RPS6KA2: variants seen among roughly 807,000 people sequenced by gnomAD.
RPS6KA2 encodes ribosomal protein S6 kinase alpha-2.
Under a neutral mutation model 91.8 loss-of-function variants are expected in RPS6KA2, and 42 were observed. The ratio of observed to expected loss-of-function variants is 0.46; its 90% CI spans 0.36 to 0.59. RPS6KA2 has a LOEUF of 0.59. Ranked by LOEUF, RPS6KA2 falls within the 20% of genes least tolerant of loss-of-function variation. The pLI is 0.00. For synonymous variants in RPS6KA2, 414 were observed against 393.6 expected (o/e 1.05, Z -0.61); for missense variants, 798 against 978.5 (o/e 0.82, Z 2.46).
At chr6:166,446,573 A>G (rs1779685907) in intron 14 of RPS6KA2, among the ~76,000 whole-genome samples, 1 of 152,212 alleles carries the variant, frequency 6.6e-6, no homozygotes, top group South Asian at 2.1e-4. Flanking sequence ...TTTGACCTCA[A>G]CAAGATCTTT....
chr6:166,601,394 G>A (rs1051938439), intron 1 of RPS6KA2, among the ~76,000 whole-genome samples: 3 of 152,316 alleles, frequency 2.0e-5, no homozygotes, highest in Admixed American at 6.5e-5. Context: ...AAAGAGTTGT[G>A]TCAATCGCAA....
intron 2 of RPS6KA2, among the ~76,000 whole-genome samples, chr6:166,824,110 T>A (rs1007229307): frequency 6.6e-6 from 1 of 152,190 alleles, no homozygotes; most frequent in African/African-American, 2.4e-5. Context: ...CACATGTGAA[T>A]ATACATGCTT....
rs550844181 is a variant in RPS6KA2, at chr6:166,486,728, G to A, written c.907+2105C>T. 8.8e-4 allele frequency among the ~76,000 whole-genome samples: 134 copies of A among 152,128 alleles called. 1 individual carries two copies. Among genetic ancestry groups the A allele is most frequent in the African/African-American group, 2.7e-3 (114 of 41,502 alleles). On this transcript the variant is annotated intron_variant, in intron 10 of 20. Coordinates refer to ENST00000265678, the MANE Select transcript of RPS6KA2 (RefSeq NM_021135.6). ...GTGTGGGTGGCACGGGCTCCGCTGC[G>A]GGGTGAGTCTACACTCTCCAGCCAT...
chr6:166,475,338 G>A (rs1021733193), intron 10 of RPS6KA2, among the ~76,000 whole-genome samples: 4 of 152,174 alleles, frequency 2.6e-5, no homozygotes, highest in Admixed American at 1.3e-4. Flanking sequence ...ACTCCCGAGC[G>A]TGGCCCGGCC....
intron 12 of RPS6KA2, among the ~76,000 whole-genome samples, chr6:166,455,753 T>C (rs1228863538): frequency 6.6e-6 from 1 of 152,214 alleles, no homozygotes; most frequent in Non-Finnish European, 1.5e-5. Context: ...GTTTGCTCTC[T>C]GCACAAAGTC....
Position 166,492,917 on chromosome 6 carries a change from A to T in RPS6KA2, c.748-2176T>A, listed in dbSNP as rs1781655553. ...TTTTTTTTTTTTTTTTTTTTAGTAG[A>T]GACAGGGTTTCACCATGTTGGCCAG... On this transcript the variant is annotated intron_variant, in intron 8 of 20. Transcript: ENST00000265678. Among the ~76,000 whole-genome samples the T allele has an allele frequency of 3.6e-5, 5 of 139,854 alleles. No homozygotes were observed. The South Asian group carries it at 1.1e-3, about 32-fold the overall frequency. 91.7% of individuals were successfully genotyped at this position (139,854 alleles called of 152,430 possible).
intron 3 of RPS6KA2, among the ~76,000 whole-genome samples, chr6:166,531,030 A>G (rs1348724653): frequency 1.3e-5 from 2 of 152,254 alleles, no homozygotes; most frequent in African/African-American, 4.8e-5. Flanking sequence ...CTCTTCTCTG[A>G]CAATTGTGGA....
intron 2 of RPS6KA2, among the ~76,000 whole-genome samples, chr6:166,699,610 CAGAG>C (rs1364456007): frequency 6.6e-6 from 1 of 152,134 alleles, no homozygotes; most frequent in African/African-American, 2.4e-5. Context: ...AAAATCAATT[CAGAG>C]AGCAGCATGG....
chr6:166,854,745 G>A (rs1018896355), intron 2 of RPS6KA2, among the ~76,000 whole-genome samples: 3 of 152,176 alleles, frequency 2.0e-5, no homozygotes, highest in African/African-American at 7.2e-5. Flanking sequence ...CACTGTTGGT[G>A]GGAATGTAAA....
In RPS6KA2 at chr6:166,627,166, G is replaced by A. The variant is rs1485568296; in HGVS notation, c.-147C>T. The A allele has an allele frequency of 1.8e-6, 2 of 1,094,298 alleles. No homozygotes were observed. The highest frequency in any genetic ancestry group is 3.3e-5 in the African/African-American group (2 of 59,736). The allele number at this position is 1,094,298 out of a possible 1,614,324, so 67.8% of individuals were successfully genotyped here. ...GGGCGCGGGGCGTGGGGCGCGAGCT[G>A]CGGTCACAAAGGGCAGGCCGCGCCG... is the stretch of plus-strand genomic sequence containing the variant. On this transcript the variant is annotated 5_prime_UTR_variant, in exon 1 of 21. Coordinates refer to ENST00000265678, the MANE Select transcript of RPS6KA2 (RefSeq NM_021135.6).
At chr6:166,775,971 G>C (rs1465772452) in intron 2 of RPS6KA2, among the ~76,000 whole-genome samples, 1 of 152,224 alleles carries the variant, frequency 6.6e-6, no homozygotes, top group Non-Finnish European at 1.5e-5. Context: ...CTGGAAGTGA[G>C]GGCGGGCATT....
In RPS6KA2 at chr6:166,821,475, G is replaced by A. The variant is rs181687348; in HGVS notation, c.123+36725C>T. ...CACTATGTCTTCTTCCAGAAATCCC[G>A]GCTTCTCCTGTAAACGCTGCAGTCA... On this transcript the variant is annotated intron_variant, in intron 2 of 21. Coordinates refer to the RPS6KA2 transcript ENST00000503859. The surrounding 1 kb of genome is among the most constrained non-coding windows in gnomAD (Gnocchi z 4.1). Among the ~76,000 whole-genome samples the A allele has an allele frequency of 2.6e-5, 4 of 152,098 alleles. No individual in the cohort carries two copies. The highest frequency in any genetic ancestry group is 4.8e-5 in the African/African-American group (2 of 41,416).
chr6:166,505,628 T>C (rs534706659), intron 5 of RPS6KA2, among the ~76,000 whole-genome samples: 3 of 152,230 alleles, frequency 2.0e-5, no homozygotes, highest in Admixed American at 6.5e-5. Flanking sequence ...CCAGGGGACC[T>C]GAACGGTGAG....
rs183325770 is a variant in RPS6KA2, at chr6:166,832,536, G to T, written c.123+25664C>A. 7.9e-5 allele frequency among the ~76,000 whole-genome samples: 12 copies of T among 152,192 alleles called. No homozygotes were observed. The East Asian group carries it at 2.1e-3, about 27-fold the overall frequency. On this transcript the variant is annotated intron_variant, in intron 2 of 21. Transcript: ENST00000503859. The stretch of plus-strand genomic sequence containing the variant: ...AATAGCCAAAAATGGAAATTCTGTT[G>T]GTGTTTTCTCTATGGTAAGTCCGCT...
At chr6:166,424,436 G>C (rs930936006) in intron 16 of RPS6KA2, among the ~76,000 whole-genome samples, 1 of 150,204 alleles carries the variant, frequency 6.7e-6, no homozygotes, top group Non-Finnish European at 1.5e-5. Context: ...TCAGGACTAC[G>C]CACACAGCTG....
chr6:166,803,215 G>C (rs1196425943), intron 2 of RPS6KA2, among the ~76,000 whole-genome samples: 9 of 152,108 alleles, frequency 5.9e-5, no homozygotes, highest in African/African-American at 1.9e-4. Flanking sequence ...ACTTCCACTG[G>C]TAAAGTGTGC....
intron 2 of RPS6KA2, among the ~76,000 whole-genome samples, chr6:166,644,796 T>C (rs1008167727): frequency 6.6e-6 from 1 of 152,148 alleles, no homozygotes; most frequent in Non-Finnish European, 1.5e-5. Context: ...TCTTTGCAAA[T>C]GAAATCAAGT....
In RPS6KA2 at chr6:166,532,788, C is replaced by T. The variant is rs754969070; in HGVS notation, c.217-1475G>A. 2.0e-4 allele frequency among the ~76,000 whole-genome samples: 31 copies of T among 151,884 alleles called. 1 individual carries two copies. Among genetic ancestry groups the T allele is most frequent in the African/African-American group, 3.6e-4 (15 of 41,282 alleles). ...CCTGGGTTATAGACTATACCATCAC[C>T]GACAGTTAATATTCATCTCTGGGAG... On this transcript the variant is annotated intron_variant, in intron 2 of 20. Transcript: ENST00000265678.
chr6:166,428,108 A>C (rs550840395), intron 16 of RPS6KA2, among the ~76,000 whole-genome samples: 4,457 of 151,946 alleles, frequency 0.029, 212 homozygotes, highest in African/African-American at 0.1. Context: ...AAACAGAGAT[A>C]TAGATCAATG....
Sources: allele counts gnomAD v4.1 joint callset (sites outside exome capture counted in the v4.1 genomes callset), GRCh38; gene constraint gnomAD v4.1.1; non-coding constraint Gnocchi (gnomAD v3.1); transcripts MANE v1.5; gene names NCBI Gene and HGNC (gene_info 2026-07-23, HGNC 2026-07-21).